SUSD1: variants seen among roughly 807,000 people sequenced by gnomAD.
The protein encoded by SUSD1 is sushi domain-containing protein 1.
A neutral mutation model predicts 86.9 loss-of-function variants in SUSD1; 65 were observed. The observed-to-expected ratio is 0.75, with a 90% CI of 0.61 to 0.92. The LOEUF is 0.92. SUSD1 is among the 40% of genes least tolerant of loss of function. SUSD1 has a pLI of 0.00. For synonymous variants in SUSD1, 346 were observed against 350.0 expected (o/e 0.99, Z 0.13); for missense variants, 850 against 929.7 (o/e 0.91, Z 1.11).
chr9:112,052,691 T>G (rs1449404835), intron 14 of SUSD1, among the ~76,000 whole-genome samples: 3 of 152,184 alleles, frequency 2.0e-5, no homozygotes, highest in African/African-American at 7.2e-5. Flanking sequence ...AAAGCATATA[T>G]GATAGGCCAA....
intron 2 of SUSD1, among the ~76,000 whole-genome samples, chr9:112,150,997 C>T (rs1032834597): frequency 1.3e-4 from 20 of 152,294 alleles, no homozygotes; most frequent in Admixed American, 3.9e-4. Context: ...TGCACTGGCA[C>T]GATCATAGCT....
At chr9:112,061,464 C>T (rs1043799124) in intron 13 of SUSD1, among the ~76,000 whole-genome samples, 2 of 152,226 alleles carry the variant, frequency 1.3e-5, no homozygotes, top group South Asian at 2.1e-4. Flanking sequence ...CAGTTCTCCA[C>T]TTCCTGTTTT....
intron 4 of SUSD1, 124 bp downstream of exon 4, chr9:112,143,347 T>G: frequency 1.0e-6 from 1 of 979,228 alleles, no homozygotes; most frequent in Non-Finnish European, 1.5e-6. Flanking sequence ...TGTCATAGGT[T>G]GTACAAAATG....
At chr9:112,074,201 G>A (rs1829411523) in intron 12 of SUSD1, among the ~76,000 whole-genome samples, 1 of 152,152 alleles carries the variant, frequency 6.6e-6, no homozygotes, top group Non-Finnish European at 1.5e-5. Flanking sequence ...GGGTGACAGA[G>A]CGAAATTCTG....
chr9:112,050,104 G>C (rs565688367), intron 15 of SUSD1, among the ~76,000 whole-genome samples: 1 of 152,314 alleles, frequency 6.6e-6, no homozygotes, highest in South Asian at 2.1e-4. Context: ...TCTGATAAAA[G>C]CATCTCTTTT....
At chr9:112,128,815 G>C (rs1831891083) in intron 5 of SUSD1, among the ~76,000 whole-genome samples, 1 of 152,156 alleles carries the variant, frequency 6.6e-6, no homozygotes, top group South Asian at 2.1e-4. Context: ...AAAGCTCTTG[G>C]TGGGTTCCAA....
At chr9:112,094,326 G>T (rs1830312659) in intron 10 of SUSD1, among the ~76,000 whole-genome samples, 1 of 152,146 alleles carries the variant, frequency 6.6e-6, no homozygotes, top group Non-Finnish European at 1.5e-5. Flanking sequence ...TTCATCCAGG[G>T]CTAAGGAGAG....
intron 10 of SUSD1, among the ~76,000 whole-genome samples, chr9:112,083,774 G>A (rs1015695062): frequency 1.3e-5 from 2 of 152,158 alleles, no homozygotes; most frequent in Non-Finnish European, 2.9e-5. Flanking sequence ...TCTATCCAGA[G>A]TTTGGTGAGG....
intron 1 of SUSD1, chr9:112,173,881 A>ATTC: frequency 3.4e-6 from 1 of 290,538 alleles, no homozygotes; most frequent in South Asian, 3.6e-5. Context: ...CCTTTAAAAG[A>ATTC]TTCGTATCTT....
chr9:112,098,628 T>C lies in SUSD1; in HGVS notation c.1316A>G (p.Asn439Ser), dbSNP rs1364690372. 3 of 1,614,058 alleles carry C rather than the reference T, an allele frequency of 1.9e-6. No individual in the cohort carries two copies. The highest frequency in any genetic ancestry group is 2.7e-5 in the African/African-American group (2 of 74,928). The change falls in exon 10 of 17, where the codon AAC (asparagine) becomes AGC (serine). Residue 439 changes from asparagine to serine, a missense_variant. Coordinates refer to ENST00000374270, the MANE Select transcript of SUSD1 (RefSeq NM_022486.5). The part of the protein sequence containing the change: ...TVLGQRWYLA[N>S]FSHATSFNFT... ...GTTAAACGATGTTGCATGAGAAAAG[T>C]TAGCCAGATACCACCTCTGACCCAG...
intron 12 of SUSD1, among the ~76,000 whole-genome samples, chr9:112,069,112 G>A (rs1235925806): frequency 6.6e-6 from 1 of 152,096 alleles, no homozygotes; most frequent in African/African-American, 2.4e-5. Flanking sequence ...CCACCAGGGA[G>A]CCAGTATCAA....
chr9:112,055,358 T>G (rs1410006408), intron 14 of SUSD1, among the ~76,000 whole-genome samples: 2 of 152,000 alleles, frequency 1.3e-5, no homozygotes, highest in South Asian at 4.1e-4. Context: ...CCCAGGGAGG[T>G]CAAGGCTGCA....
At chr9:112,098,809 A>G (rs1255218833) in intron 9 of SUSD1, 147 bp from the exon 10 acceptor site, 3 of 745,536 alleles carry the variant, frequency 4.0e-6, no homozygotes, top group Non-Finnish European at 6.5e-6. Context: ...ATAGCAAGCT[A>G]ACCTGAGGAA....
At chr9:112,103,433 C>T (rs1211434739) in intron 8 of SUSD1, among the ~76,000 whole-genome samples, 1 of 152,136 alleles carries the variant, frequency 6.6e-6, no homozygotes, top group Non-Finnish European at 1.5e-5. Context: ...GTGAGGAATA[C>T]CAAGTGTCTG....
intron 12 of SUSD1, among the ~76,000 whole-genome samples, chr9:112,078,220 A>G (rs931683814): frequency 5.3e-5 from 8 of 152,112 alleles, no homozygotes; most frequent in African/African-American, 1.9e-4. Context: ...TGGCCTATAC[A>G]ACTATAATCC....
intron 1 of SUSD1, among the ~76,000 whole-genome samples, chr9:112,172,544 T>C (rs1834089340): frequency 6.6e-6 from 1 of 152,172 alleles, no homozygotes; most frequent in Admixed American, 6.5e-5. Context: ...ATTGATTTCA[T>C]CTCTCCAAAT....
intron 1 of SUSD1, among the ~76,000 whole-genome samples, chr9:112,165,958 A>G (rs188296662): frequency 7.7e-5 from 11 of 143,242 alleles, no homozygotes; most frequent in African/African-American, 3.3e-4. Context: ...AGAAAGAAAG[A>G]AAGAAAGAAA....
intron 8 of SUSD1, chr9:112,104,981 C>A (rs1411239922): frequency 6.6e-6 from 1 of 151,812 alleles, no homozygotes; most frequent in South Asian, 2.1e-4. Flanking sequence ...CTGTTTCATA[C>A]GGTTCAATAA....
intron 15 of SUSD1, among the ~76,000 whole-genome samples, chr9:112,042,890 T>C (rs1265238777): frequency 6.6e-6 from 1 of 152,130 alleles, no homozygotes; most frequent in Admixed American, 6.5e-5. Flanking sequence ...AAACCAGCCA[T>C]AGAATACACC....
Sources: allele counts gnomAD v4.1 joint callset (sites outside exome capture counted in the v4.1 genomes callset), GRCh38; gene constraint gnomAD v4.1.1; transcripts MANE v1.5; gene names NCBI Gene and HGNC (gene_info 2026-07-23, HGNC 2026-07-21).